Variants in SAMD12 observed in about 807,000 individuals in gnomAD.
SAMD12 encodes the protein sterile alpha motif domain-containing protein 12.
SAMD12 carries 9 observed loss-of-function variants against 15.0 expected under a neutral mutation model. That is an observed-to-expected ratio of 0.60 (90% CI 0.36 to 1.05). The LOEUF is 1.05. Ranked by LOEUF, SAMD12 falls within the 50% of genes least tolerant of loss-of-function variation. The probability of loss-of-function intolerance (pLI) is 0.01; values close to 1 mark genes in which losing one functional copy is unlikely to be tolerated. For synonymous variants in SAMD12, 86 were observed against 90.1 expected (o/e 0.96, Z 0.25); for missense variants, 230 against 234.2 (o/e 0.98, Z 0.12).
At chr8:118,580,575 A>G in intron 2 of SAMD12, 140 bp downstream of exon 2, 1 of 604,544 alleles carries the variant, frequency 1.7e-6, no homozygotes, top group Non-Finnish European at 2.9e-6. Context: ...ATAATTATTT[A>G]TCCGCAAGAT....
At chr8:118,503,673 G>A (rs1477447981) in intron 2 of SAMD12, among the ~76,000 whole-genome samples, 1 of 152,134 alleles carries the variant, frequency 6.6e-6, no homozygotes, top group Admixed American at 6.5e-5. Flanking sequence ...CTGGAGTCAG[G>A]AGAAGGGATT....
intron 4 of SAMD12, among the ~76,000 whole-genome samples, chr8:118,326,893 G>A (rs370952743): frequency 3.0e-4 from 45 of 152,142 alleles, no homozygotes; most frequent in African/African-American, 1.1e-3. Flanking sequence ...AAATGCTTAC[G>A]TATAATTAGC....
At chr8:118,280,517 T>C (rs1813596106) in intron 4 of SAMD12, among the ~76,000 whole-genome samples, 1 of 152,124 alleles carries the variant, frequency 6.6e-6, no homozygotes, top group South Asian at 2.1e-4. Flanking sequence ...ATGTTGCTGA[T>C]AGTATTTAGT....
chr8:118,237,778 T>TA (rs944755418), intron 4 of SAMD12, among the ~76,000 whole-genome samples: 42 of 152,232 alleles, frequency 2.8e-4, no homozygotes, highest in African/African-American at 9.6e-4. Flanking sequence ...ATGTAAACAT[T>TA]AAAAAAATTC....
In SAMD12 at chr8:118,612,316, C is replaced by T. The variant is rs527910880; in HGVS notation, c.13+9488G>A. 3.9e-5 allele frequency among the ~76,000 whole-genome samples: 6 copies of T among 152,242 alleles called. No individual in the cohort carries two copies. In the East Asian group the frequency reaches 7.7e-4, roughly 20 times the overall value. ...ACAACAGCAAAATCACAAAACAGAA[C>T]ATGATGACAAATTCTTATTACAAGA... On this transcript the variant is annotated intron_variant, in intron 1 of 3. Coordinates refer to ENST00000314727, the MANE Select transcript of SAMD12 (RefSeq NM_207506.3).
chr8:118,227,315 T>C (rs1473062572), intron 4 of SAMD12, among the ~76,000 whole-genome samples: 2 of 152,048 alleles, frequency 1.3e-5, no homozygotes, highest in Non-Finnish European at 2.9e-5. Context: ...AGCCAAATGA[T>C]GAGAACTCGT....
chr8:118,592,285 AG>A (rs1465243135), intron 1 of SAMD12, among the ~76,000 whole-genome samples: 1 of 152,184 alleles, frequency 6.6e-6, no homozygotes, highest in African/African-American at 2.4e-5. Flanking sequence ...GCCAAAAAAA[AG>A]AAAAGCAAAT....
intron 3 of SAMD12, among the ~76,000 whole-genome samples, chr8:118,395,272 C>T (rs1251989924): frequency 2.6e-5 from 4 of 152,114 alleles, no homozygotes; most frequent in Non-Finnish European, 5.9e-5. Context: ...AATGCCAAAG[C>T]CTATGTACCA....
At chr8:118,551,007 A>T (rs1204975450) in intron 2 of SAMD12, among the ~76,000 whole-genome samples, 1 of 152,078 alleles carries the variant, frequency 6.6e-6, no homozygotes, top group African/African-American at 2.4e-5. Flanking sequence ...CACCCAATAC[A>T]GGAGCACCCA....
chr8:118,464,881 G>A (rs371804902), intron 2 of SAMD12, among the ~76,000 whole-genome samples: 1 of 152,140 alleles, frequency 6.6e-6, no homozygotes, highest in African/African-American at 2.4e-5. Flanking sequence ...TATTGAAATG[G>A]TCTGGGTTAT....
chr8:118,427,273 CTTTTCA>C (rs1272049275), intron 3 of SAMD12, among the ~76,000 whole-genome samples: 2 of 152,160 alleles, frequency 1.3e-5, no homozygotes, highest in South Asian at 2.1e-4. Flanking sequence ...ACACGTTCAT[CTTTTCA>C]TTTTAAGAAT....
chr8:118,306,290 C>A (rs147808484), intron 4 of SAMD12, among the ~76,000 whole-genome samples: 10 of 152,226 alleles, frequency 6.6e-5, no homozygotes, highest in Non-Finnish European at 1.2e-4. Flanking sequence ...GGTAGTGACT[C>A]CTGGTTGTCC....
the SAMD12 span, among the ~76,000 whole-genome samples, chr8:118,174,821 C>T: frequency 6.6e-6 from 1 of 152,062 alleles, no homozygotes; most frequent in East Asian, 1.9e-4. Flanking sequence ...GCCACACTTG[C>T]TTTCTTTTTC....
At chr8:118,308,180 C>A (rs961133779) in intron 4 of SAMD12, among the ~76,000 whole-genome samples, 1 of 152,176 alleles carries the variant, frequency 6.6e-6, no homozygotes, top group Non-Finnish European at 1.5e-5. Context: ...TTCTCCAAAT[C>A]ACTCACTCAT....
At chr8:118,484,760 C>T (rs529145453) in intron 2 of SAMD12, among the ~76,000 whole-genome samples, 2 of 152,150 alleles carry the variant, frequency 1.3e-5, no homozygotes, top group South Asian at 4.1e-4. Context: ...GAGTGCTTTG[C>T]TCTCACAGAA....
At chr8:118,340,784 T>C (rs1232548188) in intron 4 of SAMD12, among the ~76,000 whole-genome samples, 1 of 152,008 alleles carries the variant, frequency 6.6e-6, no homozygotes, top group Non-Finnish European at 1.5e-5. Flanking sequence ...AATTTTAATT[T>C]CCAAAAGTAT....
chr8:118,345,172 T>C (rs1178351842), intron 4 of SAMD12, among the ~76,000 whole-genome samples: 1 of 152,204 alleles, frequency 6.6e-6, no homozygotes, highest in East Asian at 1.9e-4. Flanking sequence ...TATTTTGATA[T>C]ACAAATACTA....
chr8:118,527,387 A>G (rs1361094659), intron 2 of SAMD12, among the ~76,000 whole-genome samples: 1 of 152,220 alleles, frequency 6.6e-6, no homozygotes, highest in Non-Finnish European at 1.5e-5. Flanking sequence ...CATTTCATTA[A>G]CAGAGAAGAA....
At chr8:118,303,046 G>A (rs1815131409) in intron 4 of SAMD12, among the ~76,000 whole-genome samples, 1 of 152,166 alleles carries the variant, frequency 6.6e-6, no homozygotes, top group Admixed American at 6.5e-5. Context: ...ATTTACAAGT[G>A]AAGACTCATC....
Sources: gnomAD v4.1 joint callset for allele counts (sites outside exome capture counted in the v4.1 genomes callset) on GRCh38, gnomAD v4.1.1 for gene constraint, MANE v1.5 for transcripts, NCBI Gene and HGNC (gene_info 2026-07-23, HGNC 2026-07-21) for gene names.